Variants in CSMD1 observed in about 807,000 individuals in gnomAD.
CSMD1 encodes CUB and sushi domain-containing protein 1.
Under a neutral mutation model 417.5 loss-of-function variants are expected in CSMD1, and 213 were observed. The observed-to-expected ratio is 0.51, with a 90% CI of 0.46 to 0.57. The LOEUF is 0.57. CSMD1 is among the 20% of genes least tolerant of loss of function. CSMD1 has a pLI of 0.00. For missense variants in CSMD1, 6,923 were observed against 4,529.7 expected, an observed-to-expected ratio of 1.53 and a Z score of -15.17; for synonymous variants, 2,862 against 1,736.8, an observed-to-expected ratio of 1.65 and a Z score of -16.11.
intron 5 of CSMD1, among the ~76,000 whole-genome samples, chr8:3,838,072 G>A (rs542906914): frequency 9.2e-5 from 14 of 152,192 alleles, no homozygotes; most frequent in African/African-American, 3.4e-4. Context: ...CGGTTGTAGG[G>A]CTTTGGGAAA....
At chr8:4,072,724 A>G (rs570262211) in intron 3 of CSMD1, among the ~76,000 whole-genome samples, 22 of 152,216 alleles carry the variant, frequency 1.4e-4, no homozygotes, top group African/African-American at 2.4e-4. Flanking sequence ...AGAAATGAAC[A>G]AAGTGTTTAC....
chr8:3,308,659 T>C (rs1205633323), intron 23 of CSMD1, among the ~76,000 whole-genome samples, 156 bp from the exon 24 acceptor site: 8 of 151,806 alleles, frequency 5.3e-5, no homozygotes, highest in Admixed American at 4.6e-4. Flanking sequence ...GATGGGTCTG[T>C]ACTGGGGCTA....
At chr8:3,008,117 G>A (rs889049457) in intron 52 of CSMD1, among the ~76,000 whole-genome samples, 21 of 152,280 alleles carry the variant, frequency 1.4e-4, no homozygotes, top group Admixed American at 1.3e-3. Flanking sequence ...CAAGATGGAT[G>A]GAGTATTGAG....
intron 5 of CSMD1, among the ~76,000 whole-genome samples, chr8:3,814,916 G>A (rs1369914764): frequency 2.0e-5 from 3 of 151,936 alleles, no homozygotes; most frequent in Non-Finnish European, 4.4e-5. Flanking sequence ...TTTAAAAACC[G>A]ACACTCTCAT....
At chr8:3,766,878 C>T (rs937058032) in intron 5 of CSMD1, among the ~76,000 whole-genome samples, 1 of 152,134 alleles carries the variant, frequency 6.6e-6, no homozygotes, top group Non-Finnish European at 1.5e-5. Flanking sequence ...TTTCTTATAT[C>T]ACTTGATAGA....
At chr8:2,962,736 T>C in intron 60 of CSMD1, 97 bp from the exon 61 acceptor site, 1 of 1,291,128 alleles carries the variant, frequency 7.7e-7, no homozygotes, top group Non-Finnish European at 1.1e-6. Flanking sequence ...TCTTTAGCTT[T>C]AACTATTAAA....
At chr8:3,549,812 C>G (rs959281336) in intron 10 of CSMD1, among the ~76,000 whole-genome samples, 4 of 152,144 alleles carry the variant, frequency 2.6e-5, no homozygotes, top group African/African-American at 9.7e-5. Flanking sequence ...CTCCCTTTCT[C>G]TATAAACCAC....
At chr8:4,537,290 C>T (rs2130494811) in intron 2 of CSMD1, among the ~76,000 whole-genome samples, 1 of 152,192 alleles carries the variant, frequency 6.6e-6, no homozygotes, top group South Asian at 2.1e-4. Flanking sequence ...TGGTAAAATG[C>T]TTATCTTTTT....
intron 3 of CSMD1, among the ~76,000 whole-genome samples, chr8:4,251,768 G>C (rs1393418238): frequency 6.6e-6 from 1 of 151,950 alleles, no homozygotes; most frequent in East Asian, 1.9e-4. Flanking sequence ...GTGTGAGAGT[G>C]ATGCAGGGAT....
intron 3 of CSMD1, among the ~76,000 whole-genome samples, chr8:4,294,075 G>T (rs920666364): frequency 3.3e-5 from 5 of 152,194 alleles, no homozygotes; most frequent in African/African-American, 4.8e-5. Context: ...CCGAAATACT[G>T]CGAAGTTGAA....
In CSMD1 at chr8:3,458,271, C is replaced by T. The variant is rs572143198; in HGVS notation, c.1561+10441G>A. ...TTCTGCGTTAGAATTTAATGTTCTC[C>T]GGCACCACCTGCTCTCCTGGCTCAT... On this transcript the variant is annotated intron_variant, in intron 12 of 69. Transcript: ENST00000635120. Among the ~76,000 whole-genome samples the T allele has an allele frequency of 4.1e-4, 63 of 152,202 alleles. 1 individual carries two copies. The South Asian group carries it at 8.7e-3, about 21-fold the overall frequency.
intron 1 of CSMD1, among the ~76,000 whole-genome samples, chr8:4,673,575 G>T (rs756426411): frequency 1.3e-5 from 2 of 152,108 alleles, no homozygotes; most frequent in African/African-American, 4.8e-5. Flanking sequence ...TTTCTACCTT[G>T]TGCTTGGGGG....
intron 3 of CSMD1, among the ~76,000 whole-genome samples, chr8:4,169,033 G>C (rs1797617090): frequency 1.3e-5 from 2 of 152,104 alleles, no homozygotes; most frequent in South Asian, 2.1e-4. Flanking sequence ...TCCAGTTGCT[G>C]GTTTCTTCTT....
At chr8:4,911,012 T>C (rs1389074049) in intron 1 of CSMD1, among the ~76,000 whole-genome samples, 1 of 152,128 alleles carries the variant, frequency 6.6e-6, no homozygotes, top group Non-Finnish European at 1.5e-5. Flanking sequence ...CTACAAAAAC[T>C]CTCTCTTTGC....
chr8:4,332,970 C>A (rs1016001809), intron 3 of CSMD1, among the ~76,000 whole-genome samples: 1 of 142,390 alleles, frequency 7.0e-6, no homozygotes, highest in African/African-American at 2.7e-5. Context: ...AAGATTTCTG[C>A]CTTCAGTTTT....
intron 33 of CSMD1, among the ~76,000 whole-genome samples, chr8:3,190,833 C>T (rs1420093029): frequency 2.0e-5 from 3 of 152,102 alleles, no homozygotes; most frequent in Admixed American, 6.5e-5. Context: ...TTGAGGACAT[C>T]GTGCTAAGTG....
intron 41 of CSMD1, chr8:3,128,199 A>G (rs918304097): frequency 1.3e-5 from 2 of 152,236 alleles, no homozygotes; most frequent in Non-Finnish European, 1.5e-5. Flanking sequence ...TATTATTCAC[A>G]TCAAGTTTTT....
intron 44 of CSMD1, among the ~76,000 whole-genome samples, chr8:3,108,166 A>C (rs1035022136): frequency 4.6e-5 from 7 of 152,204 alleles, no homozygotes; most frequent in Non-Finnish European, 1.5e-5. Context: ...GGAATTCTGT[A>C]GGTGGCAGTG....
intron 1 of CSMD1, among the ~76,000 whole-genome samples, chr8:4,690,820 C>T (rs185256985): frequency 6.6e-6 from 1 of 152,214 alleles, no homozygotes; most frequent in East Asian, 1.9e-4. Flanking sequence ...CCTCTTCCTG[C>T]CGGGTTCAAG....
Sources: allele counts gnomAD v4.1 joint callset (sites outside exome capture counted in the v4.1 genomes callset), GRCh38; gene constraint gnomAD v4.1.1; transcripts MANE v1.5; gene names NCBI Gene and HGNC (gene_info 2026-07-23, HGNC 2026-07-21).